Variants in SHROOM2 observed in about 807,000 individuals in gnomAD.
SHROOM2 encodes shroom family member 2.
A neutral mutation model predicts 75.9 loss-of-function variants in SHROOM2; 33 were observed. The observed-to-expected ratio is 0.43, with a 90% CI of 0.33 to 0.58. The LOEUF (loss-of-function observed/expected upper bound fraction) is 0.58. SHROOM2 is among the 20% of genes least tolerant of loss of function. The pLI is 0.04. For missense variants in SHROOM2, 1,434 were observed against 1,461.2 expected (o/e 0.98, Z 0.30); for synonymous variants, 655 against 663.6 (o/e 0.99, Z 0.20).
chrX:9,908,240 G>C (rs751244281), intron 5 of SHROOM2, among the ~76,000 whole-genome samples: 1 of 112,176 alleles, frequency 8.9e-6, no homozygotes, highest in South Asian at 3.7e-4. Context: ...GTGATAGCCT[G>C]GGTTAGGGAA....
Position 9,819,626 on chromosome X carries a change from T to C in SHROOM2, c.165+32916T>C, listed in dbSNP as rs750471541. 1.4e-3 allele frequency among the ~76,000 whole-genome samples: 156 copies of C among 111,299 alleles called. 1 individual carries two copies. Among genetic ancestry groups the C allele is most frequent in the South Asian group, 7.3e-3 (19 of 2,617 alleles). On this transcript the variant is annotated intron_variant, in intron 1 of 9. Coordinates refer to ENST00000380913, the MANE Select transcript of SHROOM2 (RefSeq NM_001649.4). Reference sequence around the variant, plus strand: ...TTCACCACTGAGGCTGTAAGCGTCTTGCTTGTATGCTATGTTTCCCCAATA... The same window carrying C: ...TTCACCACTGAGGCTGTAAGCGTCTCGCTTGTATGCTATGTTTCCCCAATA...
intron 1 of SHROOM2, among the ~76,000 whole-genome samples, chrX:9,834,269 G>C (rs747830583): frequency 0.01 from 1,168 of 112,322 alleles, 19 homozygotes; most frequent in African/African-American, 0.035. Flanking sequence ...CATGCACCAG[G>C]AGAGTGCTGG....
At chrX:9,858,250 C>T (rs915221052) in intron 1 of SHROOM2, among the ~76,000 whole-genome samples, 2 of 111,502 alleles carry the variant, frequency 1.8e-5, no homozygotes, top group African/African-American at 3.3e-5. Context: ...CGTTGCACGG[C>T]GGCAGCATTA....
intron 1 of SHROOM2, among the ~76,000 whole-genome samples, chrX:9,856,649 C>T (rs942081340): frequency 1.8e-5 from 2 of 111,460 alleles, no homozygotes; most frequent in African/African-American, 6.5e-5. Flanking sequence ...GAGCGTTTGC[C>T]CCTGGGATGC....
At chrX:9,944,106 C>T (rs1456230700) in intron 8 of SHROOM2, among the ~76,000 whole-genome samples, 3 of 110,983 alleles carry the variant, frequency 2.7e-5, no homozygotes, top group Admixed American at 1.9e-4. Flanking sequence ...TGCTTGAACC[C>T]GGGAGGCCAT....
chrX:9,825,561 T>C (rs1014625625), intron 1 of SHROOM2, among the ~76,000 whole-genome samples: 3 of 112,499 alleles, frequency 2.7e-5, no homozygotes, highest in Non-Finnish European at 5.6e-5. Flanking sequence ...CTGATAAAGA[T>C]GCAATCTTGT....
At chrX:9,845,907 T>G in intron 1 of SHROOM2, among the ~76,000 whole-genome samples, 1 of 102,277 alleles carries the variant, frequency 9.8e-6, no homozygotes, top group South Asian at 4.7e-4. Context: ...CCCTTGAGCC[T>G]CCCCAACCCC....
intron 1 of SHROOM2, among the ~76,000 whole-genome samples, chrX:9,845,567 A>G (rs889185345): frequency 9.7e-6 from 1 of 103,395 alleles, no homozygotes; most frequent in Non-Finnish European, 2.0e-5. Context: ...AAAGGCTTTT[A>G]TTGTATCTAC....
intron 5 of SHROOM2, among the ~76,000 whole-genome samples, chrX:9,924,381 A>T (rs1165836064): frequency 8.9e-6 from 1 of 112,322 alleles, no homozygotes; most frequent in African/African-American, 3.2e-5. Flanking sequence ...TTTCAGAGAC[A>T]GTCTCACTCT....
intron 2 of SHROOM2, among the ~76,000 whole-genome samples, chrX:9,882,178 C>CTTTTTTTTT (rs386416608): frequency 7.5e-4 from 53 of 70,886 alleles, no homozygotes; most frequent in Middle Eastern, 0.013. Context: ...TCCCTTGTTG[C>CTTTTTTTTT]TTTTTTTTTT....
intron 5 of SHROOM2, among the ~76,000 whole-genome samples, chrX:9,927,573 C>T (rs978234633): frequency 2.0e-4 from 22 of 110,964 alleles, no homozygotes; most frequent in African/African-American, 6.9e-4. Context: ...GGTCCTTTCA[C>T]GGAGAACTTA....
At chrX:9,828,210 C>T (rs186936958) in intron 1 of SHROOM2, among the ~76,000 whole-genome samples, 1 of 112,413 alleles carries the variant, frequency 8.9e-6, no homozygotes, top group African/African-American at 3.2e-5. Context: ...TGAGAACTCA[C>T]TATCACAAGA....
chrX:9,840,284 T>G (rs943909864), intron 1 of SHROOM2, among the ~76,000 whole-genome samples: 2 of 112,098 alleles, frequency 1.8e-5, no homozygotes, highest in African/African-American at 6.5e-5. Flanking sequence ...GTTGCTATTT[T>G]CTTTTCTTTT....
intron 2 of SHROOM2, among the ~76,000 whole-genome samples, chrX:9,887,137 A>G (rs1055922668): frequency 6.3e-5 from 7 of 111,837 alleles, no homozygotes; most frequent in Admixed American, 3.8e-4. Context: ...GAAGGTTGAG[A>G]TGTATTTTGG....
At chrX:9,792,804 T>A (rs187871288) in intron 1 of SHROOM2, among the ~76,000 whole-genome samples, 5 of 109,426 alleles carry the variant, frequency 4.6e-5, no homozygotes, top group Non-Finnish European at 7.6e-5. Flanking sequence ...CACTGCAACC[T>A]CCGCCTCTGG....
chrX:9,913,134 C>G (rs1354933629), intron 5 of SHROOM2: 1 of 112,399 alleles, frequency 8.9e-6, no homozygotes, highest in African/African-American at 3.2e-5. Context: ...CGCATGAAGA[C>G]CTGCCTGCCT....
At chrX:9,801,923 G>A (rs1367441278) in intron 1 of SHROOM2, among the ~76,000 whole-genome samples, 1 of 110,816 alleles carries the variant, frequency 9.0e-6, no homozygotes, top group Admixed American at 9.7e-5. Context: ...GCCACTACAC[G>A]CCAGCCTGGG....
intron 1 of SHROOM2, among the ~76,000 whole-genome samples, chrX:9,829,174 C>T (rs777585808): frequency 1.8e-5 from 2 of 111,990 alleles, no homozygotes; most frequent in South Asian, 7.4e-4. Flanking sequence ...CAGGCATGCG[C>T]CACCACCCCC....
At chrX:9,934,068 T>C (rs7049996) in intron 6 of SHROOM2, among the ~76,000 whole-genome samples, 8,600 of 111,164 alleles carry the variant, frequency 0.077, 793 homozygotes, top group African/African-American at 0.26. Flanking sequence ...CCACAGAGCA[T>C]TGTCCGACCG....
Sources: allele counts gnomAD v4.1 joint callset (sites outside exome capture counted in the v4.1 genomes callset), GRCh38; gene constraint gnomAD v4.1.1; transcripts MANE v1.5; gene names NCBI Gene and HGNC (gene_info 2026-07-23, HGNC 2026-07-21).